The following FBXL7 variants were observed in gnomAD, a reference collection of about 807,000 sequenced individuals.
FBXL7 encodes the protein F-box and leucine rich repeat protein 7.
FBXL7 carries 12 observed loss-of-function variants against 38.3 expected under a neutral mutation model. The ratio of observed to expected loss-of-function variants is 0.31; its 90% confidence interval spans 0.20 to 0.51. The LOEUF (loss-of-function observed/expected upper bound fraction) is 0.51, where lower values mean the gene tolerates loss of function less well. Among genes scored for constraint, FBXL7 ranks in the 20% least tolerant of loss-of-function variants. The probability of loss-of-function intolerance (pLI) is 0.98; values close to 1 mark genes in which losing one functional copy is unlikely to be tolerated. For synonymous variants in FBXL7, 297 were observed against 300.9 expected, an observed-to-expected ratio of 0.99 and a Z score of 0.13; for missense variants, 567 against 676.4, an observed-to-expected ratio of 0.84 and a Z score of 1.79.
Position 15,938,686 on chromosome 5 carries a change from A to G in FBXL7, c.*1500A>G. The G allele has an allele frequency of 4.2e-6, 1 of 240,310 alleles. No individual in the cohort carries two copies. 14.9% of individuals were successfully genotyped at this position (240,310 alleles called of 1,614,324 possible). A position where few individuals can be genotyped will look rare whatever the true frequency, so the allele number is the denominator to read the frequency against. ...GAGATGACTTAGACTCTGGTCCACC[A>G]ACCAGACCCTTGGAAAGGAATACTA... On this transcript the variant is annotated 3_prime_UTR_variant, in exon 4 of 4. Transcript: ENST00000504595.
chr5:15,559,869 A>C (rs893240126), intron 1 of FBXL7, among the ~76,000 whole-genome samples: 2 of 152,198 alleles, frequency 1.3e-5, no homozygotes, highest in African/African-American at 4.8e-5. Context: ...ATTAAGTTTT[A>C]TGTGTTTCTT....
intron 2 of FBXL7, among the ~76,000 whole-genome samples, chr5:15,712,378 C>G (rs1743903665): frequency 6.7e-6 from 1 of 148,930 alleles, no homozygotes; most frequent in Non-Finnish European, 1.5e-5. Flanking sequence ...CCTAAAACGA[C>G]AGCAACAATA....
intron 1 of FBXL7, among the ~76,000 whole-genome samples, chr5:15,550,722 T>G (rs1464726506): frequency 1.3e-5 from 2 of 152,352 alleles, no homozygotes; most frequent in Admixed American, 1.3e-4. Flanking sequence ...TCAGATCTCT[T>G]TGTGGCAACC....
In FBXL7 at chr5:15,527,489, C is replaced by T. The variant is rs189674054; in HGVS notation, c.37+26776C>T. 8.7e-4 allele frequency among the ~76,000 whole-genome samples: 133 copies of T among 152,234 alleles called. 1 individual carries two copies. The highest frequency in any genetic ancestry group is 3.0e-3 in the African/African-American group (123 of 41,552). The stretch of plus-strand genomic sequence containing the variant: ...TCAGTTCATCAGAGATTAAAACTAA[C>T]GTGTTTTTAAAGACTTGTGGCTTAT... On this transcript the variant is annotated intron_variant, in intron 1 of 3. Coordinates refer to ENST00000504595, the MANE Select transcript of FBXL7 (RefSeq NM_012304.5).
intron 2 of FBXL7, among the ~76,000 whole-genome samples, chr5:15,768,530 CAA>C (rs368089745): frequency 8.0e-6 from 1 of 125,082 alleles, no homozygotes. Flanking sequence ...GACTCTGTCT[CAA>C]AAAAAAAAAA....
intron 2 of FBXL7, among the ~76,000 whole-genome samples, chr5:15,807,753 A>G (rs1737751843): frequency 6.6e-6 from 1 of 151,998 alleles, no homozygotes; most frequent in African/African-American, 2.4e-5. Flanking sequence ...TCATTTCCAG[A>G]AAGAGCTCTC....
At chr5:15,630,026 TAA>T (rs1740947293) in intron 2 of FBXL7, among the ~76,000 whole-genome samples, 1 of 152,204 alleles carries the variant, frequency 6.6e-6, no homozygotes, top group East Asian at 1.9e-4. Context: ...CAAACAACTT[TAA>T]GCAGAATAGA....
chr5:15,887,018 C>T (rs991596032), intron 2 of FBXL7, among the ~76,000 whole-genome samples: 4 of 152,166 alleles, frequency 2.6e-5, no homozygotes, highest in Non-Finnish European at 5.9e-5. Context: ...AAAAGCTTAC[C>T]AATTCAGGAG....
At chr5:15,592,465 T>C (rs901278560) in intron 1 of FBXL7, among the ~76,000 whole-genome samples, 2 of 152,176 alleles carry the variant, frequency 1.3e-5, no homozygotes, top group Admixed American at 6.5e-5. Context: ...AGATTATATA[T>C]ATAAAGTGCC....
In FBXL7 at chr5:15,570,460, G is replaced by A. The variant is rs138237835; in HGVS notation, c.38-45523G>A. Among the ~76,000 whole-genome samples, 1,020 of 152,106 alleles carry A rather than the reference G, an allele frequency of 6.7e-3. 11 individuals carry two copies. Among genetic ancestry groups the A allele is most frequent in the African/African-American group, 0.023 (943 of 41,500 alleles). On this transcript the variant is annotated intron_variant, in intron 1 of 3. Transcript: ENST00000504595. ...TATCCCCTTTATCACTTTTTATTGC[G>A]TCTATTTGATTCTTCTCTCTTTTCT...
At chr5:15,583,764 G>A (rs1347212856) in intron 1 of FBXL7, among the ~76,000 whole-genome samples, 2 of 152,172 alleles carry the variant, frequency 1.3e-5, no homozygotes, top group South Asian at 4.1e-4. Flanking sequence ...CTACCATTCT[G>A]GGCTCTGGAG....
chr5:15,573,479 T>TA (rs1418019262), intron 1 of FBXL7, among the ~76,000 whole-genome samples: 1 of 152,098 alleles, frequency 6.6e-6, no homozygotes, highest in Admixed American at 6.6e-5. Context: ...TTTGGTAAAA[T>TA]AAAAGAAGGG....
intron 2 of FBXL7, among the ~76,000 whole-genome samples, chr5:15,661,761 T>A (rs958247157): frequency 2.0e-4 from 30 of 152,218 alleles, no homozygotes; most frequent in African/African-American, 6.8e-4. Context: ...TAGCTCCCAC[T>A]AGAAGTCAGA....
chr5:15,836,504 G>C (rs540522815), intron 2 of FBXL7, among the ~76,000 whole-genome samples: 42 of 152,264 alleles, frequency 2.8e-4, no homozygotes, highest in Non-Finnish European at 5.3e-4. Context: ...GGAAGGTAAT[G>C]TTGGAATAAA....
At chr5:15,739,142 C>A (rs977553965) in intron 2 of FBXL7, among the ~76,000 whole-genome samples, 6 of 152,212 alleles carry the variant, frequency 3.9e-5, no homozygotes, top group African/African-American at 1.4e-4. Flanking sequence ...CATCCAGCAT[C>A]TTGGCATCCA....
rs528825883 is a variant in FBXL7 at position 15,657,676 on chromosome 5, A to G, written c.127+41604A>G. ...TGGTGAAACCAACACTGTCTCTACT[A>G]AAAATACAAAAATTATCTGGCTGTG... On this transcript the variant is annotated intron_variant, in intron 2 of 3. Transcript: ENST00000504595. Among the ~76,000 whole-genome samples, 18 of 152,222 alleles carry G rather than the reference A, an allele frequency of 1.2e-4. 1 individual carries two copies. In the South Asian group the frequency reaches 3.7e-3, roughly 32 times the overall value.
At chr5:15,702,877 AT>A (rs1334000073) in intron 2 of FBXL7, among the ~76,000 whole-genome samples, 1 of 151,944 alleles carries the variant, frequency 6.6e-6, no homozygotes, top group African/African-American at 2.4e-5. Flanking sequence ...GTTTTATAAG[AT>A]TTGGGTAGGT....
intron 2 of FBXL7, among the ~76,000 whole-genome samples, chr5:15,822,211 A>G (rs79671964): frequency 1.3e-5 from 2 of 151,502 alleles, no homozygotes; most frequent in South Asian, 2.1e-4. Flanking sequence ...AAAAAAAAAA[A>G]ATAGGCTGGG....
intron 1 of FBXL7, among the ~76,000 whole-genome samples, chr5:15,533,779 T>C (rs1211341093): frequency 6.6e-6 from 1 of 152,112 alleles, no homozygotes; most frequent in Non-Finnish European, 1.5e-5. Flanking sequence ...GTGGATAATC[T>C]TGGAAGGATA....
Sources: allele counts gnomAD v4.1 joint callset (sites outside exome capture counted in the v4.1 genomes callset), GRCh38; gene constraint gnomAD v4.1.1; transcripts MANE v1.5; gene names NCBI Gene and HGNC (gene_info 2026-07-23, HGNC 2026-07-21).